Variants in ARAP2 observed in about 807,000 individuals in gnomAD.
ARAP2 encodes the protein arf-GAP with Rho-GAP domain, ANK repeat and PH domain-containing protein 2.
ARAP2 carries 148 observed loss-of-function variants against 194.5 expected under a neutral mutation model. The ratio of observed to expected loss-of-function variants is 0.76; its 90% CI spans 0.67 to 0.87. The LOEUF (loss-of-function observed/expected upper bound fraction) is 0.87, where lower values mean the gene tolerates loss of function less well. ARAP2 is among the 40% of genes least tolerant of loss of function. The pLI is 0.00. For synonymous variants in ARAP2, 695 were observed against 683.5 expected (o/e 1.02, Z -0.26); for missense variants, 2,128 against 1,989.7 (o/e 1.07, Z -1.32).
chr4:36,139,774 C>A (rs1267100554), intron 19 of ARAP2, among the ~76,000 whole-genome samples: 1 of 151,510 alleles, frequency 6.6e-6, no homozygotes, highest in Non-Finnish European at 1.5e-5. Context: ...CTAATTTTTC[C>A]TGTGATTTCT....
At chr4:36,208,589 T>C (rs144423755) in intron 6 of ARAP2, among the ~76,000 whole-genome samples, 1 of 152,296 alleles carries the variant, frequency 6.6e-6, no homozygotes, top group African/African-American at 2.4e-5. Context: ...GGGGTAGGCA[T>C]CACTTTGTCT....
At chr4:36,176,285 G>A (rs778620295) in intron 9 of ARAP2, among the ~76,000 whole-genome samples, 2 of 152,130 alleles carry the variant, frequency 1.3e-5, no homozygotes, top group African/African-American at 2.4e-5. Flanking sequence ...AGATTAAAAG[G>A]AAATGTCTAC....
chr4:36,088,297 G>A (rs989118806), intron 28 of ARAP2, among the ~76,000 whole-genome samples: 1 of 152,018 alleles, frequency 6.6e-6, no homozygotes, highest in Non-Finnish European at 1.5e-5. Context: ...GCGGTCCACT[G>A]CACAAAACCA....
chr4:36,037,789 A>G (rs1024802493), intron 5 of ARAP2, among the ~76,000 whole-genome samples: 1 of 152,182 alleles, frequency 6.6e-6, no homozygotes, highest in African/African-American at 2.4e-5. Flanking sequence ...ATTTTATTTT[A>G]TATTGCTCTG....
chr4:36,096,701 G>T (rs575002464), intron 27 of ARAP2, among the ~76,000 whole-genome samples: 5 of 152,094 alleles, frequency 3.3e-5, no homozygotes, highest in Non-Finnish European at 7.4e-5. Flanking sequence ...TTCTTTTTAG[G>T]TACTTCGTGA....
intron 28 of ARAP2, 126 bp from the exon 29 acceptor site, chr4:36,083,576 G>A: frequency 1.5e-6 from 1 of 668,032 alleles, no homozygotes; most frequent in Non-Finnish European, 2.4e-6. Flanking sequence ...AACATTTCAT[G>A]AGTTTAGTAA....
intron 32 of ARAP2, among the ~76,000 whole-genome samples, chr4:36,071,701 T>TC (rs1726967126): frequency 6.7e-6 from 1 of 149,936 alleles, no homozygotes; most frequent in South Asian, 2.1e-4. Flanking sequence ...TAATTTTTTT[T>TC]CTTTTTTTTT....
At chr4:36,064,841 T>C (rs182119285), downstream of ARAP2, among the ~76,000 whole-genome samples, 9 of 152,060 alleles carry the variant, frequency 5.9e-5, no homozygotes, top group South Asian at 4.2e-4. Flanking sequence ...GAAGCCACCA[T>C]AAAGGAGAGA....
In ARAP2 at chr4:36,121,154, C is replaced by A. The variant is rs1299455973; in HGVS notation, c.3894+25G>T. 4 of 1,532,050 alleles carry A rather than the reference C, an allele frequency of 2.6e-6. No homozygotes were observed. The African/African-American group carries it at 5.6e-5, about 21-fold the overall frequency. 94.9% of individuals were successfully genotyped at this position (1,532,050 alleles called of 1,614,324 possible). ...AACAGTGACATTATAACCATTTTAA[C>A]AAGGGCAGGATACAAAATAATTACC... On this transcript the variant is annotated intron_variant, in intron 23 of 32. Transcript: ENST00000303965.
intron 1 of ARAP2, among the ~76,000 whole-genome samples, chr4:36,242,418 C>T (rs1753692193): frequency 6.6e-6 from 1 of 152,192 alleles, no homozygotes; most frequent in Non-Finnish European, 1.5e-5. Context: ...TTTCACCAAA[C>T]TTTCTCACAG....
intron 1 of ARAP2, among the ~76,000 whole-genome samples, chr4:36,230,132 A>G (rs1937609854): frequency 6.6e-6 from 1 of 152,200 alleles, no homozygotes. Flanking sequence ...AAAATCTATA[A>G]GCATACAGGT....
Position 36,177,924 on chromosome 4 carries a change from G to C in ARAP2, c.1760C>G (p.Thr587Arg). Residue 587 changes from threonine to arginine, a missense_variant, in exon 9 of 33, where the codon ACA (threonine) becomes AGA (arginine). Coordinates refer to ENST00000303965, the MANE Select transcript of ARAP2 (RefSeq NM_015230.4). The part of the protein sequence containing the change: ...SLTSQSQAVV[T>R]PEKCGYLELR... ...TTCAAGATATCCACATTTCTCAGGTGTAACAACAGCTTGAGACTGCGAGGT... is the reference window on the plus strand; with the variant it reads ...TTCAAGATATCCACATTTCTCAGGTCTAACAACAGCTTGAGACTGCGAGGT... 1 of 1,613,580 alleles carries C rather than the reference G, an allele frequency of 6.2e-7. No individual in the cohort carries two copies.
At chr4:36,063,745 G>T (rs893372986), downstream of ARAP2, among the ~76,000 whole-genome samples, 3 of 152,134 alleles carry the variant, frequency 2.0e-5, no homozygotes, top group Admixed American at 6.5e-5. Flanking sequence ...TAACTTACTG[G>T]CTGTTGTGAG....
chr4:36,209,422 A>C (rs1177802903), intron 6 of ARAP2: 1 of 452,482 alleles, frequency 2.2e-6, no homozygotes, highest in East Asian at 7.1e-5. Flanking sequence ...TTCCTAAAAG[A>C]ATGAAAATAT....
intron 15 of ARAP2, among the ~76,000 whole-genome samples, chr4:36,152,134 T>C (rs1036226642): frequency 3.3e-5 from 5 of 152,158 alleles, no homozygotes; most frequent in African/African-American, 9.7e-5. Context: ...GAGAGCTAGA[T>C]AGGACACAGT....
At chr4:36,196,728 T>C (rs1560641702) in intron 6 of ARAP2, among the ~76,000 whole-genome samples, 1 of 152,010 alleles carries the variant, frequency 6.6e-6, no homozygotes, top group South Asian at 2.1e-4. Flanking sequence ...CCATCGAAAG[T>C]TGGCTTCTGT....
intron 8 of ARAP2, among the ~76,000 whole-genome samples, chr4:36,182,677 G>A (rs1739567899): frequency 6.6e-6 from 1 of 152,150 alleles, no homozygotes; most frequent in African/African-American, 2.4e-5. Flanking sequence ...TGGAGTTGTT[G>A]AGAATTGGTC....
intron 18 of ARAP2, 65 bp downstream of exon 18, chr4:36,147,483 G>A (rs1729912885): frequency 2.5e-6 from 4 of 1,572,644 alleles, no homozygotes; most frequent in Admixed American, 3.5e-5. Flanking sequence ...TCTTACTAAA[G>A]GCTATCACTA....
chr4:36,158,775 G>C lies in ARAP2; in HGVS notation c.2707C>G (p.Pro903Ala), dbSNP rs899676268. ...TFLCDFLYQA[P>A]SAASKLSSEK... ...GAAGAGAGTTTAGAAGCAGCAGAAG[G>C]AGCTTGATATAAAAAGTCACAGAGG... The change falls in exon 15 of 33, where the codon CCT (proline) becomes GCT (alanine). Residue 903 changes from proline (P) to alanine (A), a missense_variant. By Grantham distance (27) the Pro-to-Ala change is conservative (BLOSUM62 -1). Coordinates refer to ENST00000303965, the MANE Select transcript of ARAP2 (RefSeq NM_015230.4). The C allele has an allele frequency of 6.2e-7, 1 of 1,612,004 alleles. No individual in the cohort carries two copies. Among genetic ancestry groups the C allele is most frequent in the East Asian group, 2.2e-5 (1 of 44,732 alleles).
Sources: gnomAD v4.1 joint callset for allele counts (sites outside exome capture counted in the v4.1 genomes callset) on GRCh38, gnomAD v4.1.1 for gene constraint, MANE v1.5 for transcripts, NCBI Gene and HGNC (gene_info 2026-07-23, HGNC 2026-07-21) for gene names.